Variants in NCAM1 observed in about 807,000 individuals in gnomAD.
NCAM1 encodes the protein antigen recognized by monoclonal antibody 5.1H11.
A neutral mutation model predicts 109.8 loss-of-function variants in NCAM1; 14 were observed. The observed-to-expected ratio is 0.13, with a 90% CI of 0.08 to 0.20. The LOEUF is 0.20. Ranked by LOEUF, NCAM1 falls within the 10% of genes least tolerant of loss-of-function variation. NCAM1 has a pLI of 1.00. For synonymous variants in NCAM1, 418 were observed against 442.9 expected (o/e 0.94, Z 0.70); for missense variants, 774 against 1,109.9 (o/e 0.70, Z 4.30).
intron 1 of NCAM1, among the ~76,000 whole-genome samples, chr11:113,154,261 G>A (rs991425745): frequency 3.4e-4 from 51 of 152,188 alleles, no homozygotes; most frequent in African/African-American, 1.2e-3. Context: ...ATGATTACTA[G>A]TTCAAAAGTT....
chr11:113,128,368 T>C (rs1555097555), intron 1 of NCAM1, among the ~76,000 whole-genome samples: 1 of 152,216 alleles, frequency 6.6e-6, no homozygotes. Flanking sequence ...CTGTGACTTA[T>C]TAATCAGTGC....
intron 1 of NCAM1, among the ~76,000 whole-genome samples, chr11:113,055,872 G>C (rs1591287685): frequency 6.6e-6 from 1 of 150,906 alleles, no homozygotes; most frequent in Non-Finnish European, 1.5e-5. Context: ...ATCAGTATAT[G>C]AAAGAGGTAC....
chr11:113,239,822 T>C (rs563137209), intron 14 of NCAM1, among the ~76,000 whole-genome samples: 11 of 152,332 alleles, frequency 7.2e-5, no homozygotes, highest in African/African-American at 2.6e-4. Flanking sequence ...GTACTCATGG[T>C]TTAATGAGAT....
rs73572728 is a variant in NCAM1 at position 113,259,347 on chromosome 11, G to A, written c.1954-799G>A. Among the ~76,000 whole-genome samples the A allele has an allele frequency of 1.9e-3, 295 of 152,166 alleles. 4 individuals are homozygous for A. The highest frequency in any genetic ancestry group is 6.5e-3 in the African/African-American group (268 of 41,504). On this transcript the variant is annotated intron_variant, in intron 16 of 19. Transcript: ENST00000316851. ...ATTACAGGCGTGAGCCACCGCGCCCGGCCATAGTTTTCATTTTTAACGAAA... is the reference window on the plus strand; with the variant it reads ...ATTACAGGCGTGAGCCACCGCGCCCAGCCATAGTTTTCATTTTTAACGAAA...
chr11:113,072,031 G>A (rs181306693), intron 1 of NCAM1, among the ~76,000 whole-genome samples: 1 of 152,240 alleles, frequency 6.6e-6, no homozygotes, highest in East Asian at 1.9e-4. Context: ...TGTAATCCCA[G>A]CTACTCAGGA....
intron 1 of NCAM1, among the ~76,000 whole-genome samples, chr11:112,970,340 T>C (rs1400373335): frequency 6.6e-6 from 1 of 152,112 alleles, no homozygotes; most frequent in Non-Finnish European, 1.5e-5. Context: ...AAAAGGGAAT[T>C]CTGGTTTTAT....
intron 1 of NCAM1, among the ~76,000 whole-genome samples, chr11:112,965,567 A>G (rs946736211): frequency 1.3e-5 from 2 of 152,228 alleles, no homozygotes; most frequent in African/African-American, 4.8e-5. Context: ...TGTTCACTAC[A>G]GAACCCAGTT....
intron 1 of NCAM1, among the ~76,000 whole-genome samples, chr11:113,084,743 CAT>C (rs1428242466): frequency 1.3e-5 from 2 of 152,292 alleles, no homozygotes; most frequent in African/African-American, 4.8e-5. Context: ...TGGCTGAGAG[CAT>C]GGGATGTAGA....
chr11:113,160,886 G>C (rs1942578856), intron 1 of NCAM1, among the ~76,000 whole-genome samples: 1 of 152,144 alleles, frequency 6.6e-6, no homozygotes, highest in African/African-American at 2.4e-5. Context: ...CATAAATTCT[G>C]TCTGGGCCTT....
At chr11:113,062,419 C>T (rs1268460059) in intron 1 of NCAM1, among the ~76,000 whole-genome samples, 2 of 152,090 alleles carry the variant, frequency 1.3e-5, no homozygotes, top group Non-Finnish European at 2.9e-5. Context: ...TTACTGAATG[C>T]CCGTGATGTT....
At chr11:113,188,023 G>C (rs2136675825) in intron 1 of NCAM1, among the ~76,000 whole-genome samples, 1 of 152,316 alleles carries the variant, frequency 6.6e-6, no homozygotes, top group Non-Finnish European at 1.5e-5. Flanking sequence ...ATATAGATCA[G>C]TGCCTTTTCT....
At chr11:113,241,723 G>T (rs1945332710) in intron 14 of NCAM1, among the ~76,000 whole-genome samples, 1 of 152,218 alleles carries the variant, frequency 6.6e-6, no homozygotes, top group South Asian at 2.1e-4. Context: ...TTCCAGGGAG[G>T]AATAGCAAAG....
At position 113,105,968 on chromosome 11, in the gene NCAM1, C is replaced by T. The variant is rs116152450; in HGVS notation, c.53-96411C>T. Reference sequence around the variant, plus strand: ...AAAAATAGAAAAATTATGTTAATATCGTTTTGTCATCACCAAAAACTAATT... The same window carrying T: ...AAAAATAGAAAAATTATGTTAATATTGTTTTGTCATCACCAAAAACTAATT... On this transcript the variant is annotated intron_variant, in intron 1 of 19. Transcript: ENST00000316851. Among the ~76,000 whole-genome samples, 1,464 of 152,122 alleles carry T rather than the reference C, an allele frequency of 9.6e-3. 22 individuals carry two copies. The highest frequency in any genetic ancestry group is 0.033 in the African/African-American group (1,381 of 41,496).
At chr11:113,132,190 C>T (rs1454862215) in intron 1 of NCAM1, among the ~76,000 whole-genome samples, 1 of 152,148 alleles carries the variant, frequency 6.6e-6, no homozygotes, top group African/African-American at 2.4e-5. Flanking sequence ...TGCTCTTGGC[C>T]AGGGGTCAAA....
intron 1 of NCAM1, among the ~76,000 whole-genome samples, chr11:113,058,419 A>T (rs1436743163): frequency 6.6e-6 from 1 of 152,206 alleles, no homozygotes; most frequent in Non-Finnish European, 1.5e-5. Context: ...AGGAAGATTG[A>T]TAGTGGAAGG....
chr11:113,086,342 G>A (rs1939087103), intron 1 of NCAM1, among the ~76,000 whole-genome samples: 1 of 152,164 alleles, frequency 6.6e-6, no homozygotes, highest in African/African-American at 2.4e-5. Context: ...ACATTTTTTG[G>A]TGAATGCTCT....
At chr11:113,140,749 CTT>C (rs1941785561) in intron 1 of NCAM1, among the ~76,000 whole-genome samples, 2 of 152,112 alleles carry the variant, frequency 1.3e-5, no homozygotes, top group African/African-American at 4.8e-5. Context: ...TTGTAAGTAA[CTT>C]TTGCGTGTTC....
intron 7 of NCAM1, 116 bp from the exon 8 acceptor site, chr11:113,214,247 CACCTAG>C: frequency 9.9e-7 from 1 of 1,011,280 alleles, no homozygotes; most frequent in Non-Finnish European, 1.4e-6. Context: ...TCTCCTAAAA[CACCTAG>C]ACTAGGGTCT....
chr11:113,215,559 T>G (rs143215892), intron 8 of NCAM1, among the ~76,000 whole-genome samples: 1 of 152,162 alleles, frequency 6.6e-6, no homozygotes, highest in African/African-American at 2.4e-5. Flanking sequence ...CAGAGTTAAA[T>G]TTGGGATTTG....
Sources: allele counts gnomAD v4.1 joint callset (sites outside exome capture counted in the v4.1 genomes callset), GRCh38; gene constraint gnomAD v4.1.1; transcripts MANE v1.5; gene names NCBI Gene and HGNC (gene_info 2026-07-23, HGNC 2026-07-21).